Variants in KIF17 observed in about 807,000 individuals in gnomAD.
KIF17 encodes the protein kinesin-like protein KIF17.
KIF17 carries 80 observed loss-of-function variants against 96.8 expected under a neutral mutation model. The ratio of observed to expected loss-of-function variants is 0.83; its 90% CI spans 0.69 to 1.00. The LOEUF is 1.00. Among genes scored for constraint, KIF17 ranks in the 50% least tolerant of loss-of-function variants. The pLI is 0.00. For synonymous variants in KIF17, 567 were observed against 587.5 expected, an observed-to-expected ratio of 0.97 and a Z score of 0.51; for missense variants, 1,280 against 1,372.9, an observed-to-expected ratio of 0.93 and a Z score of 1.07.
intron 6 of KIF17, among the ~76,000 whole-genome samples, chr1:20,691,573 C>G (rs968713629): frequency 2.0e-5 from 3 of 151,748 alleles, no homozygotes; most frequent in Admixed American, 6.6e-5. Context: ...CCTGCCTCAG[C>G]CTCCCAAGTA....
intron 3 of KIF17, among the ~76,000 whole-genome samples, chr1:20,712,893 A>AAT (rs370568398): frequency 0.12 from 10,691 of 89,958 alleles, 1,841 homozygotes; most frequent in East Asian, 0.48. Flanking sequence ...TAATATAGAT[A>AAT]ATATTATCTA....
Position 20,682,638 on chromosome 1 carries a change from G to A in KIF17, c.2463+15C>T, listed in dbSNP as rs201236609. 36 of 1,610,748 alleles carry A rather than the reference G, an allele frequency of 2.2e-5. No individual in the cohort carries two copies. The highest frequency in any genetic ancestry group is 2.7e-5 in the African/African-American group (2 of 74,990). ...TCTGGGCAGCTGGGCATGGGGGGCT[G>A]CATCTGGGCCTCACCTTCCTCTGCA... On this transcript the variant is annotated intron_variant, in intron 11 of 14. Transcript: ENST00000400463.
rs546889006 is a variant in KIF17, at chr1:20,700,773, G to A, written c.1124-2285C>T. Among the ~76,000 whole-genome samples, 1,039 of 151,738 alleles carry A rather than the reference G, an allele frequency of 6.8e-3. 18 individuals carry two copies. The highest frequency in any genetic ancestry group is 0.024 in the African/African-American group (991 of 41,328). ...TCCATCTTTGGTATATAAACCAGCC[G>A]AACCCGAGTCCACACCCCAAGCCAC... On this transcript the variant is annotated intron_variant, in intron 5 of 14. Coordinates refer to ENST00000400463, the MANE Select transcript of KIF17 (RefSeq NM_001122819.3). This position sits in a 1 kb window ranked among gnomAD's most constrained non-coding sequence, Gnocchi z 4.6.
In KIF17 at chr1:20,685,601, G is replaced by C. The variant is rs637570; in HGVS notation, c.2019+445C>G. The stretch of plus-strand genomic sequence containing the variant: ...CCTGCTGAGAGCCTGCTGCAGGCCC[G>C]GTGCCCAGCCCACACTTGAGTCCAA... On this transcript the variant is annotated intron_variant, in intron 9 of 14. Coordinates refer to ENST00000400463, the MANE Select transcript of KIF17 (RefSeq NM_001122819.3). This position sits in a 1 kb window ranked among gnomAD's most constrained non-coding sequence, Gnocchi z 4.1. 0.95 allele frequency among the ~76,000 whole-genome samples: 145,057 copies of C among 152,134 alleles called. 69,224 individuals carry two copies. Among genetic ancestry groups the C allele is most frequent in the East Asian group, 0.99 (5,129 of 5,158 alleles).
intron 2 of KIF17, 128 bp downstream of exon 2, chr1:20,715,365 G>C (rs2054558135): frequency 1.6e-6 from 2 of 1,218,026 alleles, no homozygotes; most frequent in South Asian, 1.2e-5. Context: ...AGAACCCAGA[G>C]CCTTCTCTGC....
chr1:20,717,351 G>A, intron 1 of KIF17, 125 bp downstream of exon 1: 2 of 1,071,372 alleles, frequency 1.9e-6, no homozygotes, highest in Non-Finnish European at 2.7e-6. Flanking sequence ...GGACCTACCT[G>A]TTCCCGTCCG....
At chr1:20,681,579 G>T (rs996779594) in intron 11 of KIF17, among the ~76,000 whole-genome samples, 4 of 152,098 alleles carry the variant, frequency 2.6e-5, no homozygotes, top group Admixed American at 6.5e-5. Context: ...CCTGCAGATG[G>T]CCAAGGAGCC....
intron 1 of KIF17, 109 bp from the exon 2 acceptor site, chr1:20,715,748 A>G: frequency 7.8e-7 from 1 of 1,281,922 alleles, no homozygotes; most frequent in East Asian, 2.4e-5. Context: ...CCCCCCACCA[A>G]CAATGGCACT....
chr1:20,690,352 G>GCGCCC lies in KIF17; in HGVS notation c.1234-18_1234-17insGGGCG. ...TTCATACTCCTGGGGGGGTGGGAGGGACCAGAGGGCAGGCAGCATTTTATC... is the reference window on the plus strand; with the variant it reads ...TTCATACTCCTGGGGGGGTGGGAGGGCGCCCACCAGAGGGCAGGCAGCATTTTATC... On this transcript the variant is annotated splice_polypyrimidine_tract_variant and intron_variant, in intron 6 of 14. Transcript: ENST00000400463. 2 of 451,158 alleles carry GCGCCC rather than the reference G, an allele frequency of 4.4e-6. No homozygotes were observed. The highest frequency in any genetic ancestry group is 8.5e-6 in the Non-Finnish European group (2 of 235,142). 27.9% of individuals were successfully genotyped at this position (451,158 alleles called of 1,614,324 possible).
At position 20,669,820 on chromosome 1, in the gene KIF17, C is replaced by T. The variant is rs12745224; in HGVS notation, c.2790+601G>A. On this transcript the variant is annotated intron_variant, in intron 13 of 14. Transcript: ENST00000400463. The stretch of plus-strand genomic sequence containing the variant: ...GGCAGAGGTTGCAGTGAGCCAAGAT[C>T]GCACCACTGCACTCCGGCCTGGTGA... Among the ~76,000 whole-genome samples, 12 of 122,498 alleles carry T rather than the reference C, an allele frequency of 9.8e-5. No individual in the cohort carries two copies. The South Asian group carries it at 2.5e-3, about 25-fold the overall frequency. The allele number at this position is 122,498 out of a possible 152,430, so 80.4% of individuals were successfully genotyped here. A position where few individuals can be genotyped will look rare whatever the true frequency, so the allele number is the denominator to read the frequency against.
At chr1:20,701,371 C>G (rs1381497756) in intron 5 of KIF17, among the ~76,000 whole-genome samples, 1 of 152,116 alleles carries the variant, frequency 6.6e-6, no homozygotes, top group East Asian at 1.9e-4. Context: ...GTGGAGGTTG[C>G]AGTGAGCGGA....
chr1:20,666,336 C>T lies in KIF17; in HGVS notation c.2791-5G>A, dbSNP rs377400237. On this transcript the variant is annotated splice_region_variant and splice_polypyrimidine_tract_variant and intron_variant, in intron 13 of 14. Transcript: ENST00000400463. ...GAGCCTGTAGCGGTCGTCCTCCTGC[C>T]GAGATGCAGATGCCCGTGGTCACGT... The T allele has an allele frequency of 6.3e-5, 101 of 1,607,212 alleles. No individual in the cohort carries two copies. Among genetic ancestry groups the T allele is most frequent in the Non-Finnish European group, 8.3e-5 (97 of 1,173,728 alleles).
chr1:20,697,264 G>T (rs1455146679), intron 6 of KIF17, among the ~76,000 whole-genome samples: 1 of 152,202 alleles, frequency 6.6e-6, no homozygotes, highest in Non-Finnish European at 1.5e-5. Flanking sequence ...CCCCGGGATA[G>T]CTCGTCCTGC....
intron 12 of KIF17, among the ~76,000 whole-genome samples, chr1:20,671,731 C>T (rs1397916783): frequency 6.6e-6 from 1 of 152,224 alleles, no homozygotes; most frequent in Admixed American, 6.5e-5. Context: ...AAAGGGCACA[C>T]AGGGAACGGT....
chr1:20,704,376 G>A lies in KIF17; in HGVS notation c.1123+71C>T, dbSNP rs893572898. 14 of 1,280,950 alleles carry A rather than the reference G, an allele frequency of 1.1e-5. No individual in the cohort carries two copies. Among genetic ancestry groups the A allele is most frequent in the Admixed American group, 1.9e-5 (1 of 51,656 alleles). 79.3% of individuals were successfully genotyped at this position (1,280,950 alleles called of 1,614,324 possible). A position where few individuals can be genotyped will look rare whatever the true frequency, so the allele number is the denominator to read the frequency against. ...GTCTTTTAGGTGGGAAGTTGGAGGC[G>A]AGAAGACAGAGGGAAGGAAGCTTTC... On this transcript the variant is annotated intron_variant, in intron 5 of 14. Transcript: ENST00000400463. The surrounding 1 kb of genome is among the most constrained non-coding windows in gnomAD (Gnocchi z 6.8).
In KIF17 at chr1:20,709,586, G is replaced by C; in HGVS notation, c.670+53C>G. The stretch of plus-strand genomic sequence containing the variant: ...CCCGAGAGGTGGCGTGCCTTGGCTA[G>C]TGGGAGTGGCTGGGTCATCTGTCCC... On this transcript the variant is annotated intron_variant, in intron 4 of 14. Coordinates refer to ENST00000400463, the MANE Select transcript of KIF17 (RefSeq NM_001122819.3). This position sits in a 1 kb window ranked among gnomAD's most constrained non-coding sequence, Gnocchi z 4.7. 6.2e-7 allele frequency: 1 copy of C among 1,601,700 alleles called. No homozygotes were observed. Among genetic ancestry groups the C allele is most frequent in the Non-Finnish European group, 8.6e-7 (1 of 1,169,122 alleles).
At chr1:20,701,598 G>A (rs932113107) in intron 5 of KIF17, among the ~76,000 whole-genome samples, 1 of 152,194 alleles carries the variant, frequency 6.6e-6, no homozygotes, top group Non-Finnish European at 1.5e-5. Flanking sequence ...AGGGTTAAGA[G>A]GCCAGGGAGC....
intron 2 of KIF17, among the ~76,000 whole-genome samples, chr1:20,714,979 G>A (rs1247943230): frequency 6.6e-6 from 1 of 152,144 alleles, no homozygotes; most frequent in African/African-American, 2.4e-5. Context: ...CATTCCCCGT[G>A]CACTGCCACA....
chr1:20,671,811 A>G (rs2053651789), intron 12 of KIF17, 127 bp downstream of exon 12: 1 of 1,154,174 alleles, frequency 8.7e-7, no homozygotes, highest in Non-Finnish European at 1.2e-6. Context: ...CTGACGCATC[A>G]GGTACCCAGG....
Sources: allele counts gnomAD v4.1 joint callset (sites outside exome capture counted in the v4.1 genomes callset), GRCh38; gene constraint gnomAD v4.1.1; non-coding constraint Gnocchi (gnomAD v3.1); transcripts MANE v1.5; gene names NCBI Gene and HGNC (gene_info 2026-07-23, HGNC 2026-07-21).